GRM5: variants seen among roughly 807,000 people sequenced by gnomAD.
GRM5 encodes the protein glutamate metabotropic receptor 5.
A neutral mutation model predicts 83.1 loss-of-function variants in GRM5; 19 were observed. The observed-to-expected ratio is 0.23, with a 90% CI of 0.16 to 0.34. GRM5 has a LOEUF of 0.34. Among genes scored for constraint, GRM5 ranks in the 10% least tolerant of loss-of-function variants. The pLI is 1.00. For missense variants in GRM5, 1,160 were observed against 1,588.3 expected (o/e 0.73, Z 4.58); for synonymous variants, 675 against 633.6 (o/e 1.07, Z -0.98).
At chr11:88,733,007 A>G (rs1240346632) in intron 3 of GRM5, among the ~76,000 whole-genome samples, 1 of 152,050 alleles carries the variant, frequency 6.6e-6, no homozygotes, top group Admixed American at 6.6e-5. Flanking sequence ...TTATAGCACA[A>G]TCTATTGATC....
intron 2 of GRM5, among the ~76,000 whole-genome samples, chr11:88,924,747 T>C (rs1286908412): frequency 6.6e-6 from 1 of 151,850 alleles, no homozygotes; most frequent in Non-Finnish European, 1.5e-5. Flanking sequence ...ATGTACAGCA[T>C]TATAATATTA....
chr11:88,748,994 T>C (rs1013052823), intron 3 of GRM5, among the ~76,000 whole-genome samples: 1 of 152,032 alleles, frequency 6.6e-6, no homozygotes, highest in African/African-American at 2.4e-5. Flanking sequence ...TGAGAAAGAA[T>C]CAACACAAAA....
intron 2 of GRM5, among the ~76,000 whole-genome samples, chr11:88,975,390 T>C (rs1939301099): frequency 6.6e-6 from 1 of 152,174 alleles, no homozygotes; most frequent in Non-Finnish European, 1.5e-5. Flanking sequence ...AAAAATTATC[T>C]TGAAGTCTTG....
intron 1 of GRM5, among the ~76,000 whole-genome samples, chr11:89,059,082 A>G (rs1408348269): frequency 2.6e-5 from 4 of 152,132 alleles, no homozygotes; most frequent in Admixed American, 1.3e-4. Context: ...AGTGCTCACT[A>G]TTATCACTGT....
intron 3 of GRM5, among the ~76,000 whole-genome samples, chr11:88,696,176 C>T (rs1043068318): frequency 6.6e-6 from 1 of 152,052 alleles, no homozygotes; most frequent in African/African-American, 2.4e-5. Context: ...GATTGCCCAG[C>T]GGTAGGGCTC....
chr11:88,523,784 C>G (rs1009205542), intron 9 of GRM5, among the ~76,000 whole-genome samples: 4 of 152,156 alleles, frequency 2.6e-5, no homozygotes, highest in African/African-American at 9.7e-5. Context: ...GAATAGTCCA[C>G]CAGCAGTTGT....
At chr11:89,056,721 C>A (rs1276228817) in intron 1 of GRM5, among the ~76,000 whole-genome samples, 1 of 151,964 alleles carries the variant, frequency 6.6e-6, no homozygotes, top group African/African-American at 2.4e-5. Flanking sequence ...ATGTTATGAT[C>A]TACAGTCTAA....
chr11:88,903,178 G>A (rs1017734522), intron 2 of GRM5, among the ~76,000 whole-genome samples: 2 of 152,022 alleles, frequency 1.3e-5, no homozygotes, highest in Non-Finnish European at 2.9e-5. Flanking sequence ...TGAGGCTAGA[G>A]GGTTTCTGTC....
Position 89,042,051 on chromosome 11 carries a change from AT to A in GRM5, c.661+5160del, listed in dbSNP as rs554144121. On this transcript the variant is annotated intron_variant, in intron 2 of 9. Coordinates refer to ENST00000305447, the MANE Select transcript of GRM5 (RefSeq NM_001143831.3). ...ATGCTATTTCTCAAGGCTAATTTTT[AT>A]TTTTATTTTTTGAGACAGTTTTGCT... Among the ~76,000 whole-genome samples the A allele has an allele frequency of 1.6e-3, 244 of 152,124 alleles. 1 individual carries two copies. Among genetic ancestry groups the A allele is most frequent in the African/African-American group, 5.5e-3 (229 of 41,512 alleles).
At chr11:88,884,481 T>G (rs1945009797) in intron 2 of GRM5, among the ~76,000 whole-genome samples, 1 of 152,200 alleles carries the variant, frequency 6.6e-6, no homozygotes, top group Non-Finnish European at 1.5e-5. Flanking sequence ...GACTTTGGAC[T>G]GTGGGCTTTT....
At chr11:88,681,532 T>TACTGTTTA (rs1940486554) in intron 3 of GRM5, among the ~76,000 whole-genome samples, 1 of 146,694 alleles carries the variant, frequency 6.8e-6, no homozygotes, top group African/African-American at 2.5e-5. Context: ...ATATTTCCCC[T>TACTGTTTA]ACTGTTTATA....
chr11:88,747,257 G>C (rs1903850), intron 3 of GRM5, among the ~76,000 whole-genome samples: 1 of 152,088 alleles, frequency 6.6e-6, no homozygotes, highest in Non-Finnish European at 1.5e-5. Flanking sequence ...GATGCATGTG[G>C]TTTTCACCAT....
At chr11:88,671,628 A>G (rs1355686383) in intron 3 of GRM5, among the ~76,000 whole-genome samples, 1 of 152,104 alleles carries the variant, frequency 6.6e-6, no homozygotes, top group Admixed American at 6.6e-5. Flanking sequence ...AGGAAAATGA[A>G]TAATATAATA....
At chr11:88,547,629 T>C (rs1181781847) in intron 8 of GRM5, among the ~76,000 whole-genome samples, 1 of 152,170 alleles carries the variant, frequency 6.6e-6, no homozygotes, top group African/African-American at 2.4e-5. Context: ...CCTGATTCCA[T>C]CTTTTCAGAC....
intron 3 of GRM5, among the ~76,000 whole-genome samples, chr11:88,828,165 C>T (rs11021483): frequency 0.026 from 3,888 of 152,188 alleles, 174 homozygotes; most frequent in African/African-American, 0.089. Flanking sequence ...GGAGGAGCAA[C>T]AGGACATGGA....
intron 9 of GRM5, 94 bp downstream of exon 9, chr11:88,525,215 C>G: frequency 1.3e-6 from 1 of 763,226 alleles, no homozygotes; most frequent in Middle Eastern, 2.4e-4. Context: ...ATGAGTTGCA[C>G]AGTTGAGTGA....
At chr11:88,783,307 A>G (rs1170162722) in intron 3 of GRM5, among the ~76,000 whole-genome samples, 1 of 152,146 alleles carries the variant, frequency 6.6e-6, no homozygotes, top group Non-Finnish European at 1.5e-5. Flanking sequence ...TAAACAATCA[A>G]ACACTAAATT....
intron 1 of GRM5, among the ~76,000 whole-genome samples, chr11:89,056,294 C>T (rs1941872325): frequency 6.6e-6 from 1 of 152,054 alleles, no homozygotes; most frequent in Middle Eastern, 3.2e-3. Context: ...GAGAACTATC[C>T]AATATTCTTT....
intron 2 of GRM5, among the ~76,000 whole-genome samples, chr11:88,992,927 A>G (rs1940033213): frequency 6.6e-6 from 1 of 152,052 alleles, no homozygotes; most frequent in African/African-American, 2.4e-5. Context: ...ATGACGAGTT[A>G]ATGGGTGTAG....
Sources: allele counts gnomAD v4.1 joint callset (sites outside exome capture counted in the v4.1 genomes callset), GRCh38; gene constraint gnomAD v4.1.1; transcripts MANE v1.5; gene names NCBI Gene and HGNC (gene_info 2026-07-23, HGNC 2026-07-21).